The following PARP8 variants were observed in gnomAD, a reference collection of about 807,000 sequenced individuals.
The protein encoded by PARP8 is poly(ADP-ribose) polymerase family member 8, also known as protein mono-ADP-ribosyltransferase PARP8.
A neutral mutation model predicts 124.1 loss-of-function variants in PARP8; 51 were observed. The observed-to-expected ratio is 0.41, with a 90% CI of 0.33 to 0.52. PARP8 has a LOEUF of 0.52. Among genes scored for constraint, PARP8 ranks in the 20% least tolerant of loss-of-function variants. PARP8 has a pLI of 0.21. For synonymous variants in PARP8, 391 were observed against 361.5 expected (o/e 1.08, Z -0.93); for missense variants, 860 against 1,018.9 (o/e 0.84, Z 2.12).
intron 2 of PARP8, among the ~76,000 whole-genome samples, chr5:50,689,884 A>C (rs543146270): frequency 6.6e-6 from 1 of 152,274 alleles, no homozygotes; most frequent in Admixed American, 6.5e-5. Flanking sequence ...AAATACTATC[A>C]TTCCAGCCCA....
At chr5:50,667,905 G>A in intron 1 of PARP8, 166 bp from the exon 2 acceptor site, 1 of 1,498,930 alleles carries the variant, frequency 6.7e-7, no homozygotes, top group Non-Finnish European at 8.8e-7. Flanking sequence ...TCGGGGGCGC[G>A]CCGCATCCCC....
chr5:50,813,467 G>A (rs1744716129), intron 14 of PARP8, among the ~76,000 whole-genome samples: 1 of 152,178 alleles, frequency 6.6e-6, no homozygotes, highest in African/African-American at 2.4e-5. Flanking sequence ...TGCTGAAGTT[G>A]CTTATCAGCT....
intron 1 of PARP8, chr5:50,667,584 C>A: frequency 1.4e-6 from 1 of 698,802 alleles, no homozygotes; most frequent in Non-Finnish European, 2.6e-6. Flanking sequence ...ATGGAGCCTG[C>A]TGCGCTGCGC....
At chr5:50,708,712 A>C (rs192020438) in intron 2 of PARP8, among the ~76,000 whole-genome samples, 1 of 148,596 alleles carries the variant, frequency 6.7e-6, no homozygotes, top group East Asian at 1.9e-4. Context: ...AAAAATACCT[A>C]TCAGGCTTGG....
chr5:50,750,284 G>A lies in PARP8; in HGVS notation c.184+96G>A, dbSNP rs1759095083. On this transcript the variant is annotated intron_variant, in intron 3 of 25. Coordinates refer to ENST00000281631, the MANE Select transcript of PARP8 (RefSeq NM_024615.4). ...GTAAAACGCATATAAATATATTGAG[G>A]GGTGAAACACTGGTAGAGGAAGCCT... 1.3e-5 allele frequency: 13 copies of A among 1,032,770 alleles called. No homozygotes were observed. In the South Asian group the frequency reaches 1.7e-4, roughly 14 times the overall value. 64.0% of individuals were successfully genotyped at this position (1,032,770 alleles called of 1,614,324 possible).
chr5:50,699,939 A>C (rs1356250105), intron 2 of PARP8, among the ~76,000 whole-genome samples: 1 of 152,182 alleles, frequency 6.6e-6, no homozygotes, highest in Non-Finnish European at 1.5e-5. Context: ...CTGGATGAGT[A>C]AAAGTTCCAT....
intron 25 of PARP8, among the ~76,000 whole-genome samples, chr5:50,838,696 A>T (rs1747848340): frequency 6.6e-6 from 1 of 152,024 alleles, no homozygotes; most frequent in Non-Finnish European, 1.5e-5. Flanking sequence ...ATTCTCCAAC[A>T]TATAGAGTCG....
chr5:50,681,657 A>T (rs774210455), intron 2 of PARP8, among the ~76,000 whole-genome samples: 1 of 152,186 alleles, frequency 6.6e-6, no homozygotes, highest in Non-Finnish European at 1.5e-5. Flanking sequence ...GTTGTAGAGG[A>T]GACTCAAGAA....
In PARP8 at chr5:50,843,532, A is replaced by G. The variant is rs556427258; in HGVS notation, c.*1464A>G. ...TAATAATTTGTTTTGTTATATTGCA[A>G]ATAATTGATATGCCACTTATTTCTG... On this transcript the variant is annotated 3_prime_UTR_variant, in exon 26 of 26. Transcript: ENST00000281631. 6.6e-6 allele frequency: 1 copy of G among 151,898 alleles called. No individual in the cohort carries two copies. Among genetic ancestry groups the G allele is most frequent in the South Asian group, 2.1e-4 (1 of 4,826 alleles). 9.4% of individuals were successfully genotyped at this position (151,898 alleles called of 1,614,324 possible).
chr5:50,740,132 G>A (rs1200006305), intron 2 of PARP8, among the ~76,000 whole-genome samples: 2 of 152,110 alleles, frequency 1.3e-5, no homozygotes, highest in Non-Finnish European at 2.9e-5. Context: ...GTAGGTGCTG[G>A]AAATACAATG....
At chr5:50,668,493 T>G (rs1749628644) in intron 2 of PARP8, 1 of 174,240 alleles carries the variant, frequency 5.7e-6, no homozygotes, top group African/African-American at 2.4e-5. Flanking sequence ...CAAAATAGTT[T>G]GATCAGAAGT....
chr5:50,747,158 G>GTTTTTTTTTTTTTTTTTTTTTTTTTT (rs1370932889), intron 2 of PARP8, among the ~76,000 whole-genome samples: 9 of 82,202 alleles, frequency 1.1e-4, no homozygotes, highest in Non-Finnish European at 1.8e-4. Flanking sequence ...TTGTTTGTTT[G>GTTTTTTTTTTTTTTTTTTTTTTTTTT]TTTTGTTTTT....
chr5:50,742,470 G>A (rs1758148702), intron 2 of PARP8, among the ~76,000 whole-genome samples: 2 of 152,194 alleles, frequency 1.3e-5, no homozygotes, highest in Non-Finnish European at 1.5e-5. Flanking sequence ...GGTACAAGGA[G>A]AGGAGTATGA....
intron 2 of PARP8, among the ~76,000 whole-genome samples, chr5:50,683,581 G>A (rs1054154776): frequency 1.3e-5 from 2 of 152,058 alleles, no homozygotes; most frequent in African/African-American, 4.8e-5. Context: ...CTCAGCAATA[G>A]TTGATCTTTG....
chr5:50,832,909 C>A (rs1441404075), intron 23 of PARP8, 55 bp downstream of exon 23: 4 of 1,501,450 alleles, frequency 2.7e-6, no homozygotes, highest in African/African-American at 1.4e-5. Flanking sequence ...GCCTCATCAG[C>A]CAGCAGAGCA....
chr5:50,741,200 A>G (rs1306725247), intron 2 of PARP8, among the ~76,000 whole-genome samples: 1 of 152,212 alleles, frequency 6.6e-6, no homozygotes, highest in African/African-American at 2.4e-5. Context: ...CTCAGATATT[A>G]AACTTTCGGG....
Position 50,834,067 on chromosome 5 carries a change from A to G in PARP8, c.2377+19A>G. 6.3e-7 allele frequency: 1 copy of G among 1,587,656 alleles called. No homozygotes were observed. The highest frequency in any genetic ancestry group is 8.6e-7 in the Non-Finnish European group (1 of 1,156,848). ...TGTGAAGGTAAGTTGAAAGTTTTAC[A>G]AACCTCATAGTGTTAGTTCCTAGCT... On this transcript the variant is annotated intron_variant, in intron 24 of 25. Transcript: ENST00000281631.
chr5:50,727,957 CCTGT>C (rs1756598196), intron 2 of PARP8, among the ~76,000 whole-genome samples: 1 of 152,060 alleles, frequency 6.6e-6, no homozygotes, highest in African/African-American at 2.4e-5. Flanking sequence ...ATTCAAGGCC[CCTGT>C]CTATTTTTAC....
chr5:50,823,474 G>A (rs1378524586), intron 17 of PARP8, among the ~76,000 whole-genome samples: 1 of 151,902 alleles, frequency 6.6e-6, no homozygotes, highest in South Asian at 2.1e-4. Context: ...CATCCCTTTG[G>A]GTTATTTTTC....
Sources: allele counts gnomAD v4.1 joint callset (sites outside exome capture counted in the v4.1 genomes callset), GRCh38; gene constraint gnomAD v4.1.1; transcripts MANE v1.5; gene names NCBI Gene and HGNC (gene_info 2026-07-23, HGNC 2026-07-21).